The following ABCB5 variants were observed in gnomAD, a reference collection of about 807,000 sequenced individuals.
ABCB5 encodes ATP-binding cassette sub-family B member 5.
ABCB5 carries 155 observed loss-of-function variants against 144.2 expected under a neutral mutation model. The observed-to-expected ratio is 1.08, with a 90% confidence interval of 0.94 to 1.23. The LOEUF is 1.23. Ranked by LOEUF, ABCB5 falls within the 50% of genes most tolerant of loss-of-function variation. The probability of loss-of-function intolerance (pLI) is 0.00; values close to 1 mark genes in which losing one functional copy is unlikely to be tolerated. For synonymous variants in ABCB5, 610 were observed against 528.6 expected, an observed-to-expected ratio of 1.15 and a Z score of -2.11; for missense variants, 1,830 against 1,520.8, an observed-to-expected ratio of 1.20 and a Z score of -3.38.
At chr7:20,675,317 T>C (rs1391483358) in intron 14 of ABCB5, among the ~76,000 whole-genome samples, 4 of 151,930 alleles carry the variant, frequency 2.6e-5, no homozygotes, top group African/African-American at 9.7e-5. Context: ...TGGGACAGAA[T>C]AGAAAGCCCA....
Position 20,741,675 on chromosome 7 carries a change from T to C in ABCB5, c.3025-1202T>C, listed in dbSNP as rs529809966. On this transcript the variant is annotated intron_variant, in intron 24 of 27. Transcript: ENST00000404938. ...TTTTTGTTTACTCCTCACCCCTACC[T>C]GCCCTTGCTTCTTACCTATAATATG... 6.6e-5 allele frequency among the ~76,000 whole-genome samples: 10 copies of C among 152,276 alleles called. 1 individual carries two copies. In the East Asian group the frequency reaches 1.7e-3, roughly 26 times the overall value.
intron 13 of ABCB5, among the ~76,000 whole-genome samples, chr7:20,652,377 C>T (rs2285555): frequency 3.9e-4 from 60 of 152,120 alleles, no homozygotes; most frequent in Non-Finnish European, 7.5e-4. Flanking sequence ...AGACCAGCTT[C>T]GCCAACATGG....
chr7:20,651,406 C>T lies in ABCB5; in HGVS notation c.1333-14C>T. 1 of 1,613,756 alleles carries T rather than the reference C, an allele frequency of 6.2e-7. No homozygotes were observed. Among genetic ancestry groups the T allele is most frequent in the Non-Finnish European group, 8.5e-7 (1 of 1,179,862 alleles). On this transcript the variant is annotated splice_polypyrimidine_tract_variant and intron_variant, in intron 12 of 27. Transcript: ENST00000404938. ...AAAAGGCATCACAACATGGTTCATTCTTTGGATTGGCAGATCATGGTGGAT... is the reference window on the plus strand; with the variant it reads ...AAAAGGCATCACAACATGGTTCATTTTTTGGATTGGCAGATCATGGTGGAT...
chr7:20,647,000 G>A (rs1227528154), intron 9 of ABCB5, among the ~76,000 whole-genome samples: 3 of 152,188 alleles, frequency 2.0e-5, no homozygotes, highest in Non-Finnish European at 2.9e-5. Flanking sequence ...AGAGCTCCTA[G>A]CTTGAGGGAT....
At chr7:20,750,942 C>A (rs1782905157) in intron 26 of ABCB5, among the ~76,000 whole-genome samples, 1 of 152,164 alleles carries the variant, frequency 6.6e-6, no homozygotes, top group East Asian at 1.9e-4. Context: ...AGGTGTGGTT[C>A]TCTACTAATC....
Position 20,644,322 on chromosome 7 carries a change from G to A in ABCB5, c.678+690G>A, listed in dbSNP as rs147341561. ...TCGAATTCTTGGGCTGAAGCTATCCGCCCACCTCGGCCCCACAAACTGCTG... is the reference window on the plus strand; with the variant it reads ...TCGAATTCTTGGGCTGAAGCTATCCACCCACCTCGGCCCCACAAACTGCTG... On this transcript the variant is annotated intron_variant, in intron 7 of 27. Transcript: ENST00000404938. 2.2e-3 allele frequency among the ~76,000 whole-genome samples: 337 copies of A among 152,044 alleles called. 3 individuals are homozygous for A. The highest frequency in any genetic ancestry group is 7.8e-3 in the African/African-American group (323 of 41,458).
chr7:20,737,029 G>T (rs1052855216), intron 23 of ABCB5, among the ~76,000 whole-genome samples: 12 of 152,088 alleles, frequency 7.9e-5, no homozygotes, highest in African/African-American at 2.9e-4. Context: ...GCATGGTGGT[G>T]CATGCCTGTA....
At chr7:20,668,221 C>A (rs1458940674) in intron 14 of ABCB5, among the ~76,000 whole-genome samples, 2 of 75,362 alleles carry the variant, frequency 2.7e-5, no homozygotes, top group Admixed American at 1.1e-4. Context: ...CCTGGCTGCA[C>A]AGTCTGGAAA....
At chr7:20,661,921 G>A (rs535933952) in intron 14 of ABCB5, among the ~76,000 whole-genome samples, 17 of 152,212 alleles carry the variant, frequency 1.1e-4, no homozygotes, top group African/African-American at 2.9e-4. Flanking sequence ...AATTTCTAGC[G>A]TCAGTGAATA....
chr7:20,745,347 A>C lies in ABCB5; in HGVS notation c.3338A>C (p.Tyr1113Ser). 1 of 1,614,170 alleles carries C rather than the reference A, an allele frequency of 6.2e-7. No homozygotes were observed. Residue 1113 changes from tyrosine to serine, a missense_variant, in exon 26 of 28, where the codon TAT (tyrosine) becomes TCT (serine). Coordinates refer to ENST00000404938, the MANE Select transcript of ABCB5 (RefSeq NM_001163941.2). ...FNCSIAENIA[Y>S]GDNSRVVPLD... is the part of the protein sequence containing the mutation. ...TGCAGCATTGCTGAGAACATCGCCT[A>C]TGGTGACAACAGCCGTGTGGTGCCA...
chr7:20,674,412 CT>C (rs1785541572), intron 14 of ABCB5, among the ~76,000 whole-genome samples: 1 of 151,720 alleles, frequency 6.6e-6, no homozygotes, highest in Non-Finnish European at 1.5e-5. Context: ...GGTTTTTCTT[CT>C]TTAAATACCT....
chr7:20,733,367 T>C (rs2128052901), intron 23 of ABCB5, among the ~76,000 whole-genome samples: 1 of 152,256 alleles, frequency 6.6e-6, no homozygotes, highest in South Asian at 2.1e-4. Context: ...AGCCCTAAAA[T>C]ATGAGAATGA....
At position 20,626,570 on chromosome 7, in the gene ABCB5, C is replaced by T. The variant is rs776107227; in HGVS notation, c.67C>T (p.Gln23Ter). ...TTTATTTTCCAGAACTGCAGAAGAA[C>T]AGCCAAAACTGAGAAAGGAAGCAGT... ...NYQRNGTAEEQPKLRKEAVGS... is the reference protein window; with the variant it reads ...NYQRNGTAEE Residue 23 changes from glutamine to a stop codon, truncating the protein, a stop_gained, in exon 3 of 28, where the codon CAG becomes TAG. Coordinates refer to ENST00000404938, the MANE Select transcript of ABCB5 (RefSeq NM_001163941.2). LOFTEE classifies it high-confidence loss of function. The T allele has an allele frequency of 6.2e-7, 1 of 1,607,778 alleles. No homozygotes were observed. The highest frequency in any genetic ancestry group is 1.7e-5 in the Admixed American group (1 of 59,138).
At chr7:20,620,498 G>A (rs187899098) in intron 1 of ABCB5, among the ~76,000 whole-genome samples, 6 of 151,800 alleles carry the variant, frequency 4.0e-5, no homozygotes, top group Admixed American at 1.3e-4. Context: ...TGCAAATCAC[G>A]TACTTAATAA....
At chr7:20,678,854 G>A (rs1192724274) in intron 14 of ABCB5, among the ~76,000 whole-genome samples, 1 of 152,172 alleles carries the variant, frequency 6.6e-6, no homozygotes, top group Non-Finnish European at 1.5e-5. Flanking sequence ...TATGGTAAAG[G>A]CAGTTCTGCA....
intron 26 of ABCB5, among the ~76,000 whole-genome samples, chr7:20,749,989 A>G (rs540732443): frequency 6.6e-6 from 1 of 152,360 alleles, no homozygotes; most frequent in East Asian, 1.9e-4. Flanking sequence ...ATGTAAAGGT[A>G]AAAAGCTGGC....
At position 20,698,432 on chromosome 7, in the gene ABCB5, T is replaced by G. The variant is rs766269026; in HGVS notation, c.2036T>G (p.Leu679Ter). The G allele has an allele frequency of 2.5e-6, 4 of 1,581,692 alleles. No homozygotes were observed. The highest frequency in any genetic ancestry group is 2.7e-5 in the African/African-American group (2 of 72,852). Residue 679 changes from leucine (L) to a stop codon, truncating the protein, a stop_gained, in exon 17 of 28, where the codon TTA (leucine) becomes TGA (stop). Coordinates refer to ENST00000404938, the MANE Select transcript of ABCB5 (RefSeq NM_001163941.2). LOFTEE classifies it high-confidence loss of function. ...KEISLPEVSL[L>*]KILKLNKPEW... is the part of the protein sequence containing the mutation. ...ATAAGTCTTCCTGAAGTCTCTCTAT[T>G]AAAAATTTTAAAGTTAAACAAGCCT...
At chr7:20,686,313 G>A (rs796742884) in intron 16 of ABCB5, among the ~76,000 whole-genome samples, 3 of 152,234 alleles carry the variant, frequency 2.0e-5, no homozygotes, top group African/African-American at 7.2e-5. Flanking sequence ...CATGCTTACT[G>A]TGCCCACTCC....
chr7:20,686,352 G>T (rs191974323), intron 16 of ABCB5, among the ~76,000 whole-genome samples: 1 of 152,220 alleles, frequency 6.6e-6, no homozygotes, highest in East Asian at 1.9e-4. Context: ...CTCTGCCTGA[G>T]CCCCACATCA....
Sources: allele counts gnomAD v4.1 joint callset (sites outside exome capture counted in the v4.1 genomes callset), GRCh38; gene constraint gnomAD v4.1.1; transcripts MANE v1.5; gene names NCBI Gene and HGNC (gene_info 2026-07-23, HGNC 2026-07-21).